IGSF5: variants seen among roughly 807,000 people sequenced by gnomAD.
IGSF5 encodes immunoglobulin superfamily member 5.
In IGSF5, 41 loss-of-function variants were observed where a neutral mutation model predicts 39.4. That is an observed-to-expected ratio of 1.04 (90% confidence interval 0.81 to 1.35). The LOEUF is 1.35. Among genes scored for constraint, IGSF5 ranks in the 40% most tolerant of loss-of-function variants. The pLI is 0.00. For missense variants in IGSF5, 487 were observed against 494.6 expected (o/e 0.98, Z 0.15); for synonymous variants, 183 against 175.3 (o/e 1.04, Z -0.34).
At chr21:39,770,828 C>G in intron 3 of IGSF5, 88 bp from the exon 4 acceptor site, 2 of 1,026,024 alleles carry the variant, frequency 1.9e-6, no homozygotes, top group Admixed American at 3.7e-5. Context: ...TGAAGCAAAA[C>G]TTAAAAAAAA....
chr21:39,742,331 G>C (rs186429655), upstream of IGSF5, among the ~76,000 whole-genome samples: 257 of 152,324 alleles, frequency 1.7e-3, 2 homozygotes, highest in East Asian at 9.7e-4. Context: ...AGTATCTAGT[G>C]ACTGGCTGTC....
intron 5 of IGSF5, among the ~76,000 whole-genome samples, chr21:39,780,714 C>G (rs4818092): frequency 0.6 from 91,980 of 152,078 alleles, 30,249 homozygotes; most frequent in Non-Finnish European, 0.73. Flanking sequence ...GCCTTGCTTG[C>G]GGTTGGGATC....
rs1200025287 is a variant in IGSF5 at position 39,793,568 on chromosome 21, C to T, written c.1083C>T (p.Ser361=). Residue 361 remains serine (S), a synonymous_variant, in exon 8 of 9, where the codon TCC becomes TCT. Transcript: ENST00000380588. The part of the protein sequence containing the change: ...TASLPPKSCE[S]SDPEQRNSSC... ...CTCTCCCTCCCAAATCCTGTGAATC[C>T]AGTGATCCTGAACAAAGAAACAGTA... The T allele has an allele frequency of 1.4e-5, 23 of 1,613,912 alleles. No individual in the cohort carries two copies. Among genetic ancestry groups the T allele is most frequent in the Non-Finnish European group, 1.4e-5 (17 of 1,179,940 alleles).
At chr21:39,733,351 G>A in the IGSF5 span, among the ~76,000 whole-genome samples, 1 of 151,860 alleles carries the variant, frequency 6.6e-6, no homozygotes, top group African/African-American at 2.4e-5. Context: ...AAATTAAAAA[G>A]GATATAAAAT....
At chr21:39,756,852 A>T (rs959068686) in intron 2 of IGSF5, among the ~76,000 whole-genome samples, 10 of 152,084 alleles carry the variant, frequency 6.6e-5, no homozygotes, top group African/African-American at 2.2e-4. Context: ...CCAAGAGGGC[A>T]TCAAAGAACA....
At position 39,792,107 on chromosome 21, in the gene IGSF5, G is replaced by C. The variant is rs182603088; in HGVS notation, c.1048+8G>C. ...ATGAACAAAAGACCACAGGTGAGTAGACAAGAGGGGTGGTGAAAAGACCTG... is the reference window on the plus strand; with the variant it reads ...ATGAACAAAAGACCACAGGTGAGTACACAAGAGGGGTGGTGAAAAGACCTG... On this transcript the variant is annotated splice_region_variant and intron_variant, in intron 7 of 8. Transcript: ENST00000380588. 3.2e-6 allele frequency: 5 copies of C among 1,584,312 alleles called. No individual in the cohort carries two copies. The African/African-American group carries it at 5.4e-5, about 17-fold the overall frequency.
At chr21:39,762,879 A>G (rs753640031) in intron 2 of IGSF5, among the ~76,000 whole-genome samples, 83 of 152,068 alleles carry the variant, frequency 5.5e-4, no homozygotes, top group Non-Finnish European at 8.7e-4. Flanking sequence ...CTTAGTGACA[A>G]CCATAGCTAG....
chr21:39,751,543 T>C (rs2080005546), intron 2 of IGSF5, among the ~76,000 whole-genome samples: 1 of 148,472 alleles, frequency 6.7e-6, no homozygotes, highest in African/African-American at 2.4e-5. Flanking sequence ...GGATGGTTTC[T>C]ACTCAGTGAG....
chr21:39,717,897 A>G, the IGSF5 span, among the ~76,000 whole-genome samples: 2 of 152,202 alleles, frequency 1.3e-5, no homozygotes, highest in Non-Finnish European at 2.9e-5. Context: ...GTACTTTTAT[A>G]GGAATAACAT....
chr21:39,725,337 C>T, the IGSF5 span, among the ~76,000 whole-genome samples: 1 of 152,242 alleles, frequency 6.6e-6, no homozygotes, highest in Admixed American at 6.5e-5. Flanking sequence ...TATTGTTCAT[C>T]ACTTCAGATG....
At chr21:39,731,581 G>A in the IGSF5 span, among the ~76,000 whole-genome samples, 5 of 152,210 alleles carry the variant, frequency 3.3e-5, no homozygotes, top group Non-Finnish European at 5.9e-5. Flanking sequence ...ATTTGAAGCA[G>A]GAGGAGAATA....
At chr21:39,721,866 T>A in the IGSF5 span, among the ~76,000 whole-genome samples, 1 of 152,186 alleles carries the variant, frequency 6.6e-6, no homozygotes, top group African/African-American at 2.4e-5. Context: ...GAATGAAAGG[T>A]CATACCCATT....
the IGSF5 span, among the ~76,000 whole-genome samples, chr21:39,715,673 TC>T: frequency 3.3e-5 from 5 of 152,240 alleles, no homozygotes; most frequent in Admixed American, 1.3e-4. Flanking sequence ...AGATCCTTGC[TC>T]TTGTATAGTA....
chr21:39,776,483 T>C (rs1213261201), intron 4 of IGSF5, among the ~76,000 whole-genome samples: 1 of 152,224 alleles, frequency 6.6e-6, no homozygotes, highest in Non-Finnish European at 1.5e-5. Context: ...AGTTTGGGTC[T>C]TTTAACTGAA....
At chr21:39,796,028 A>G (rs1342495091) in intron 8 of IGSF5, among the ~76,000 whole-genome samples, 1 of 152,186 alleles carries the variant, frequency 6.6e-6, no homozygotes, top group African/African-American at 2.4e-5. Context: ...CTTTGCCGTC[A>G]TGGGCCCAGG....
chr21:39,747,267 A>G (rs1428378835), intron 2 of IGSF5, among the ~76,000 whole-genome samples: 5 of 152,182 alleles, frequency 3.3e-5, no homozygotes, highest in Non-Finnish European at 7.4e-5. Context: ...CCCTTATAAA[A>G]CCATCAGAAC....
chr21:39,770,837 A>T (rs2080109826), intron 3 of IGSF5, 79 bp from the exon 4 acceptor site: 1 of 1,120,168 alleles, frequency 8.9e-7, no homozygotes, highest in Non-Finnish European at 1.2e-6. Flanking sequence ...ACTTAAAAAA[A>T]AAAAGAAAAA....
At position 39,788,789 on chromosome 21, in the gene IGSF5, A is replaced by T. The variant is rs142190337; in HGVS notation, c.956+601A>T. On this transcript the variant is annotated intron_variant, in intron 6 of 8. Transcript: ENST00000380588. The stretch of plus-strand genomic sequence containing the variant: ...CCAGTAACCCTTTTAAATGTCTGCA[A>T]TGTTAACATAGCCATATGTGCACCA... 7.2e-5 allele frequency among the ~76,000 whole-genome samples: 11 copies of T among 152,370 alleles called. No individual in the cohort carries two copies. In the East Asian group the frequency reaches 2.1e-3, roughly 29 times the overall value.
chr21:39,782,514 A>G (rs2080176026), intron 5 of IGSF5, among the ~76,000 whole-genome samples: 1 of 152,124 alleles, frequency 6.6e-6, no homozygotes, highest in African/African-American at 2.4e-5. Flanking sequence ...ATAACTCCCT[A>G]TTCCCGCTTC....
Sources: allele counts gnomAD v4.1 joint callset (sites outside exome capture counted in the v4.1 genomes callset), GRCh38; gene constraint gnomAD v4.1.1; transcripts MANE v1.5; gene names NCBI Gene and HGNC (gene_info 2026-07-23, HGNC 2026-07-21).